CMYA5: variants seen among roughly 807,000 people sequenced by gnomAD.
CMYA5 encodes the protein cardiomyopathy associated 5, also known as cardiomyopathy-associated protein 5.
In CMYA5, 246 loss-of-function variants were observed where a neutral mutation model predicts 318.9. The ratio of observed to expected loss-of-function variants is 0.77; its 90% CI spans 0.70 to 0.86. CMYA5 has a LOEUF of 0.86. Among genes scored for constraint, CMYA5 ranks in the 40% least tolerant of loss-of-function variants. CMYA5 has a pLI of 0.00. For synonymous variants in CMYA5, 1,641 were observed against 1,729.5 expected, an observed-to-expected ratio of 0.95 and a Z score of 1.27; for missense variants, 4,589 against 4,678.2, an observed-to-expected ratio of 0.98 and a Z score of 0.56.
At position 79,732,504 on chromosome 5, in the gene CMYA5, G is replaced by A. The variant is rs199784482; in HGVS notation, c.3739G>A (p.Val1247Ile). Residue 1247 changes from valine (V) to isoleucine (I), a missense_variant, in exon 2 of 13, where the codon GTA (valine) becomes ATA (isoleucine). Physicochemically the swap from Val to Ile is conservative, Grantham distance 29 (BLOSUM62 3). Coordinates refer to ENST00000446378, the MANE Select transcript of CMYA5 (RefSeq NM_153610.5). Reference protein sequence around the residue: ...EMKYSVLPDMVDEPKKGVKPK... With the variant: ...EMKYSVLPDMIDEPKKGVKPK... ...GAAATATTCAGTTTTGCCTGACATG[G>A]TAGATGAGCCAAAGAAGGGTGTCAA... The A allele has an allele frequency of 2.7e-3, 4,302 of 1,613,188 alleles. 9 individuals are homozygous for A. The highest frequency in any genetic ancestry group is 3.4e-3 in the Non-Finnish European group (4,039 of 1,179,598).
intron 1 of CMYA5, among the ~76,000 whole-genome samples, chr5:79,711,831 G>T (rs1827396612): frequency 6.6e-6 from 1 of 152,180 alleles, no homozygotes; most frequent in African/African-American, 2.4e-5. Flanking sequence ...ATTATTGGCA[G>T]CATTAATTGT....
chr5:79,695,505 T>C (rs1488868543), intron 1 of CMYA5, among the ~76,000 whole-genome samples: 1 of 152,232 alleles, frequency 6.6e-6, no homozygotes, highest in East Asian at 1.9e-4. Context: ...CCTAACCACA[T>C]TTCGAGTGCT....
rs760967048 is a variant in CMYA5, at chr5:79,730,373, C to A, written c.1608C>A (p.Tyr536Ter). The A allele has an allele frequency of 6.2e-7, 1 of 1,613,862 alleles. No homozygotes were observed. The highest frequency in any genetic ancestry group is 2.2e-5 in the East Asian group (1 of 44,874). ...AAGAAGAGATCGTAGAACTTGATTA[C>A]CCAGAAAGCCCATTGGTTTCCGAGA... ...LVEEEIVELD[Y>*]PESPLVSEKP... is the part of the protein sequence containing the mutation. Residue 536 changes from tyrosine to a stop codon, truncating the protein, a stop_gained, in exon 2 of 13, where the codon TAC (tyrosine) becomes TAA (stop). Transcript: ENST00000446378. LOFTEE classifies it high-confidence loss of function.
chr5:79,732,981 T>C lies in CMYA5; in HGVS notation c.4216T>C (p.Ser1406Pro), dbSNP rs763752665. 12 of 1,613,338 alleles carry C rather than the reference T, an allele frequency of 7.4e-6. No individual in the cohort carries two copies. The highest frequency in any genetic ancestry group is 1.0e-5 in the Non-Finnish European group (12 of 1,179,660). The stretch of plus-strand genomic sequence containing the variant: ...AAGTGGTTTGCCACCACTGGTAACA[T>C]CTGCAGATGAACATTCAGTTCTTGC... ...LGSGLPPLVT[S>P]ADEHSVLAEE... Residue 1406 changes from serine to proline, a missense_variant, in exon 2 of 13, where the codon TCT becomes CCT. Ser to Pro is a moderately conservative substitution (Grantham distance 74). This residue lies in a region of CMYA5 where 2,132 missense variants were observed against 2,131.3 expected (regional missense o/e 1.00). Coordinates refer to ENST00000446378, the MANE Select transcript of CMYA5 (RefSeq NM_153610.5).
At chr5:79,797,606 G>T (rs908311012) in intron 12 of CMYA5, among the ~76,000 whole-genome samples, 9 of 152,138 alleles carry the variant, frequency 5.9e-5, no homozygotes, top group Non-Finnish European at 1.3e-4. Flanking sequence ...TTGTCAAGGA[G>T]AAGCCACCAC....
In CMYA5 at chr5:79,735,017, C is replaced by G; in HGVS notation, c.6252C>G (p.Gly2084=). 1 of 1,613,556 alleles carries G rather than the reference C, an allele frequency of 6.2e-7. No homozygotes were observed. ...CAGAAGGTGTGGAACCTGCATTGGG[C>G]AATGAAAAAGAAGCACACAGGAGCA... The part of the protein sequence containing the change: ...FPAEGVEPAL[G]NEKEAHRSTP... The change falls in exon 2 of 13, where the codon GGC becomes GGG. Residue 2084 remains glycine (G), a synonymous_variant. Coordinates refer to ENST00000446378, the MANE Select transcript of CMYA5 (RefSeq NM_153610.5).
chr5:79,709,960 CAAAAAAAAAAA>C (rs61657639), intron 1 of CMYA5, among the ~76,000 whole-genome samples: 17 of 24,324 alleles, frequency 7.0e-4, no homozygotes, highest in African/African-American at 1.1e-3. Flanking sequence ...GACTCCATCT[CAAAAAAAAAAA>C]AAAAAAAAAA....
chr5:79,793,775 T>C (rs1220867412), intron 12 of CMYA5, among the ~76,000 whole-genome samples, 165 bp downstream of exon 12: 1 of 152,174 alleles, frequency 6.6e-6, no homozygotes, highest in African/African-American at 2.4e-5. Context: ...ACTCTGACTC[T>C]GATTACTGAG....
chr5:79,791,123 G>C, intron 11 of CMYA5, 54 bp downstream of exon 11: 4 of 1,296,830 alleles, frequency 3.1e-6, no homozygotes, highest in Non-Finnish European at 4.4e-6. Flanking sequence ...TAGGGTCTTA[G>C]GGTGTGTCGC....
intron 1 of CMYA5, among the ~76,000 whole-genome samples, chr5:79,713,798 T>C (rs936949015): frequency 6.6e-6 from 1 of 152,184 alleles, no homozygotes; most frequent in Non-Finnish European, 1.5e-5. Context: ...ATGGAGTTTA[T>C]GCATGCGGCC....
chr5:79,735,577 A>T lies in CMYA5; in HGVS notation c.6812A>T (p.Asn2271Ile). The T allele has an allele frequency of 1.2e-6, 2 of 1,613,342 alleles. No homozygotes were observed. The highest frequency in any genetic ancestry group is 1.7e-6 in the Non-Finnish European group (2 of 1,179,700). The change falls in exon 2 of 13, where the codon AAT (asparagine) becomes ATT (isoleucine). Residue 2271 changes from asparagine (N) to isoleucine (I), a missense_variant. Physicochemically the swap from Asn to Ile is moderately radical, Grantham distance 149 (BLOSUM62 -3). Around this residue, in one of 3 missense-constraint regions of CMYA5, gnomAD observed 2,431 missense variants for 2,495.1 expected, o/e 0.97. Transcript: ENST00000446378. ...NVKEKSMILS[N>I]VEDLQQPKFI... ...AAAGAAAAATCCATGATTTTATCAA[A>T]TGTAGAAGATTTACAACAGCCAAAA...
At chr5:79,717,109 A>G (rs914787091) in intron 1 of CMYA5, among the ~76,000 whole-genome samples, 1 of 152,136 alleles carries the variant, frequency 6.6e-6, no homozygotes, top group African/African-American at 2.4e-5. Context: ...AAATAACCAT[A>G]CTCACTCTTT....
rs758624460 is a variant in CMYA5 at position 79,758,906 on chromosome 5, G to A, written c.11260+4G>A. 6.4e-7 allele frequency: 1 copy of A among 1,567,654 alleles called. No homozygotes were observed. Among genetic ancestry groups the A allele is most frequent in the Admixed American group, 1.9e-5 (1 of 53,828 alleles). On this transcript the variant is annotated splice_donor_region_variant and intron_variant, in intron 7 of 12. Transcript: ENST00000446378. ...CAAGATGATCAAGAAGTAAATGGTA[G>A]GATTGCTAACACAAATACAAATGCA...
Position 79,738,778 on chromosome 5 carries a change from A to T in CMYA5, c.10013A>T (p.Tyr3338Phe), listed in dbSNP as rs770169402. Residue 3338 changes from tyrosine to phenylalanine, a missense_variant, in exon 2 of 13, where the codon TAT (tyrosine) becomes TTT (phenylalanine). Transcript: ENST00000446378. ...AGAGTGGCTACCCAGAAAATAAGTT[A>T]TGCGGTTCCATTTGAAGACACCCAT... ...DVRVATQKIS[Y>F]AVPFEDTHHV... is the part of the protein sequence containing the mutation. 5 of 1,613,782 alleles carry T rather than the reference A, an allele frequency of 3.1e-6. No individual in the cohort carries two copies. The African/African-American group carries it at 6.7e-5, about 22-fold the overall frequency.
chr5:79,713,571 G>C (rs1827447342), intron 1 of CMYA5, among the ~76,000 whole-genome samples: 1 of 152,090 alleles, frequency 6.6e-6, no homozygotes, highest in Admixed American at 6.6e-5. Flanking sequence ...TCGGATGTGT[G>C]CTTGCAGTTT....
intron 7 of CMYA5, 98 bp from the exon 8 acceptor site, chr5:79,761,713 T>C: frequency 7.4e-7 from 1 of 1,347,582 alleles, no homozygotes; most frequent in Non-Finnish European, 1.0e-6. Flanking sequence ...CAGTTTGCAT[T>C]TTCCACTGAA....
Position 79,708,827 on chromosome 5 carries a change from C to T in CMYA5, c.149+18771C>T, listed in dbSNP as rs75572452. Among the ~76,000 whole-genome samples, 798 of 151,610 alleles carry T rather than the reference C, an allele frequency of 5.3e-3. 5 individuals are homozygous for T. Among genetic ancestry groups the T allele is most frequent in the Admixed American group, 9.5e-3 (145 of 15,236 alleles). On this transcript the variant is annotated intron_variant, in intron 1 of 12. Transcript: ENST00000446378. The stretch of plus-strand genomic sequence containing the variant: ...GCTCACACCTGTAATCCCAGCTCCT[C>T]GGAGGCTGAGGCACAAGAATCGGTT...
chr5:79,737,057 C>T lies in CMYA5; in HGVS notation c.8292C>T (p.Phe2764=), dbSNP rs1828088315. 6.2e-7 allele frequency: 1 copy of T among 1,613,404 alleles called. No individual in the cohort carries two copies. The highest frequency in any genetic ancestry group is 1.1e-5 in the South Asian group (1 of 91,034). ...ATCACAGTGAAGAAAAAGAACAGTT[C>T]AAAGAGTCAGAGCTATGGAAAGGTG... ...MPDHSEEKEQ[F]KESELWKGGS... The change falls in exon 2 of 13, where the codon TTC becomes TTT. Residue 2764 remains phenylalanine (F), a synonymous_variant. Transcript: ENST00000446378.
intron 9 of CMYA5, among the ~76,000 whole-genome samples, chr5:79,788,048 G>A: frequency 6.6e-6 from 1 of 152,060 alleles, no homozygotes; most frequent in Non-Finnish European, 1.5e-5. Context: ...ACCCTTCTGA[G>A]AATGAACATG....
Sources: allele counts gnomAD v4.1 joint callset (sites outside exome capture counted in the v4.1 genomes callset), GRCh38; gene constraint gnomAD v4.1.1; regional missense constraint gnomAD v4.1.1; transcripts MANE v1.5; gene names NCBI Gene and HGNC (gene_info 2026-07-23, HGNC 2026-07-21).